Variants in CDIN1 observed in about 807,000 individuals in gnomAD.
CDIN1 encodes the protein CDAN1 interacting nuclease 1, also known as CDAN1-interacting nuclease 1.
In CDIN1, 33 loss-of-function variants were observed where a neutral mutation model predicts 45.3. The observed-to-expected ratio is 0.73, with a 90% CI of 0.55 to 0.97. CDIN1 has a LOEUF of 0.97. CDIN1 is among the 50% of genes least tolerant of loss of function. CDIN1 has a pLI of 0.00. For synonymous variants in CDIN1, 118 were observed against 124.4 expected (o/e 0.95, Z 0.34); for missense variants, 303 against 339.4 (o/e 0.89, Z 0.84).
At chr15:36,748,302 G>A (rs1041945073) in intron 10 of CDIN1, among the ~76,000 whole-genome samples, 9 of 152,196 alleles carry the variant, frequency 5.9e-5, no homozygotes, top group African/African-American at 1.9e-4. Flanking sequence ...AAATAGATAC[G>A]GGATGAGATG....
At chr15:36,781,662 T>C (rs1359593498) in intron 10 of CDIN1, among the ~76,000 whole-genome samples, 1 of 152,198 alleles carries the variant, frequency 6.6e-6, no homozygotes, top group Non-Finnish European at 1.5e-5. Context: ...AAGGTTCAGA[T>C]AGAAGCTAGA....
rs988771805 is a variant in CDIN1 at position 36,618,934 on chromosome 15, C to T, written c.102-25344C>T. On this transcript the variant is annotated intron_variant, in intron 1 of 10. Transcript: ENST00000566621. ...TAGCTACACCGTGACTCTACAGGAACCCTGAAAGTTAAGTTATGCTGAAGT... is the reference window on the plus strand; with the variant it reads ...TAGCTACACCGTGACTCTACAGGAATCCTGAAAGTTAAGTTATGCTGAAGT... 35 of 1,525,104 alleles carry T rather than the reference C, an allele frequency of 2.3e-5. No individual in the cohort carries two copies. The South Asian group carries it at 3.1e-4, about 14-fold the overall frequency. The allele number at this position is 1,525,104 out of a possible 1,614,324, so 94.5% of individuals were successfully genotyped here. A position where few individuals can be genotyped will look rare whatever the true frequency, so the allele number is the denominator to read the frequency against.
At position 36,731,294 on chromosome 15, in the gene CDIN1, C is replaced by T. The variant is rs542511197; in HGVS notation, c.716+21333C>T. ...CATACTTTTAAAAACTTGACCACTT[C>T]GAATTGTCAAAATAGGTACTTAATT... is the stretch of plus-strand genomic sequence containing the variant. On this transcript the variant is annotated intron_variant, in intron 10 of 10. Transcript: ENST00000566621. Among the ~76,000 whole-genome samples the T allele has an allele frequency of 8.5e-5, 13 of 152,124 alleles. No individual in the cohort carries two copies. In the South Asian group the frequency reaches 2.5e-3, roughly 29 times the overall value.
rs551631056 is a variant in CDIN1 at position 36,788,808 on chromosome 15, G to C, written c.717-19516G>C. Among the ~76,000 whole-genome samples, 20 of 152,196 alleles carry C rather than the reference G, an allele frequency of 1.3e-4. No individual in the cohort carries two copies. The South Asian group carries it at 3.5e-3, about 27-fold the overall frequency. On this transcript the variant is annotated intron_variant, in intron 10 of 10. Coordinates refer to ENST00000566621, the MANE Select transcript of CDIN1 (RefSeq NM_001321759.2). ...TGTGATAGGGTTTATAGGGTAAAAT[G>C]GTTCACCAAAACTTTCCAGGGTTCC...
chr15:36,705,198 A>G (rs2042818125), intron 8 of CDIN1: 2 of 152,184 alleles, frequency 1.3e-5, no homozygotes, highest in African/African-American at 4.8e-5. Context: ...AAAAATTAAC[A>G]TCATCTTTGG....
intron 8 of CDIN1, chr15:36,706,263 G>C (rs2042861353): frequency 6.6e-6 from 1 of 152,156 alleles, no homozygotes; most frequent in Non-Finnish European, 1.5e-5. Flanking sequence ...GCACAGATTG[G>C]GTTTTGTGGA....
chr15:36,596,233 A>G (rs1432311741), intron 1 of CDIN1, among the ~76,000 whole-genome samples: 1 of 151,950 alleles, frequency 6.6e-6, no homozygotes, highest in East Asian at 1.9e-4. Flanking sequence ...TTTAGCCCCT[A>G]ATTCCCTTTT....
chr15:36,707,470 A>G (rs1041362671), intron 8 of CDIN1: 1 of 152,218 alleles, frequency 6.6e-6, no homozygotes, highest in African/African-American at 2.4e-5. Flanking sequence ...TAAGTCACCC[A>G]TGCAATTTAA....
chr15:36,732,221 G>A (rs577119256), intron 10 of CDIN1, among the ~76,000 whole-genome samples: 10 of 152,124 alleles, frequency 6.6e-5, no homozygotes, highest in South Asian at 2.1e-4. Flanking sequence ...CAACAGTGAC[G>A]TTCCAAATTC....
At chr15:36,805,385 C>T (rs2055193918) in intron 10 of CDIN1, among the ~76,000 whole-genome samples, 1 of 152,150 alleles carries the variant, frequency 6.6e-6, no homozygotes, top group Non-Finnish European at 1.5e-5. Context: ...TCCTCAGACC[C>T]AAGGACTCTC....
intron 1 of CDIN1, among the ~76,000 whole-genome samples, chr15:36,616,767 A>G (rs1197808027): frequency 6.6e-6 from 1 of 151,982 alleles, no homozygotes; most frequent in Non-Finnish European, 1.5e-5. Flanking sequence ...TCTACTAAAA[A>G]TACAAAAATT....
At chr15:36,673,575 C>T (rs2041530587) in intron 5 of CDIN1, among the ~76,000 whole-genome samples, 1 of 152,020 alleles carries the variant, frequency 6.6e-6, no homozygotes, top group South Asian at 2.1e-4. Flanking sequence ...GCATTTTCAT[C>T]CCAGAGAAAA....
chr15:36,783,650 A>G (rs932314007), intron 10 of CDIN1, among the ~76,000 whole-genome samples: 4 of 152,182 alleles, frequency 2.6e-5, no homozygotes, highest in African/African-American at 9.7e-5. Flanking sequence ...GAGCTGTGAT[A>G]CACATGAACA....
chr15:36,586,020 C>G (rs2037280870), intron 1 of CDIN1, among the ~76,000 whole-genome samples: 1 of 152,106 alleles, frequency 6.6e-6, no homozygotes, highest in African/African-American at 2.4e-5. Context: ...CTTATGTGCT[C>G]AACCCATACT....
intron 10 of CDIN1, among the ~76,000 whole-genome samples, chr15:36,784,918 G>T (rs28659969): frequency 0.18 from 27,003 of 151,898 alleles, 4,437 homozygotes; most frequent in African/African-American, 0.44. Flanking sequence ...TTTGTGGTAT[G>T]GCAGGTGTGA....
At chr15:36,609,200 G>A (rs573631979) in intron 1 of CDIN1, among the ~76,000 whole-genome samples, 46 of 152,160 alleles carry the variant, frequency 3.0e-4, no homozygotes, top group African/African-American at 9.4e-4. Flanking sequence ...TTATTTTTAT[G>A]GATGGGGGTC....
intron 10 of CDIN1, among the ~76,000 whole-genome samples, chr15:36,734,029 C>G (rs1222887428): frequency 6.6e-6 from 1 of 151,970 alleles, no homozygotes; most frequent in Non-Finnish European, 1.5e-5. Flanking sequence ...ATCCATGAAG[C>G]TATTATATTT....
At chr15:36,765,053 C>G (rs370273346) in intron 10 of CDIN1, among the ~76,000 whole-genome samples, 1 of 83,100 alleles carries the variant, frequency 1.2e-5, no homozygotes, top group Non-Finnish European at 2.6e-5. Context: ...TTTTATTTTT[C>G]TTTCTTTCTT....
chr15:36,579,777 A>G lies in CDIN1; in HGVS notation c.-84A>G. The G allele has an allele frequency of 8.8e-7, 1 of 1,134,900 alleles. No individual in the cohort carries two copies. Among genetic ancestry groups the G allele is most frequent in the South Asian group, 1.4e-5 (1 of 69,700 alleles). 70.3% of individuals were successfully genotyped at this position (1,134,900 alleles called of 1,614,324 possible). ...GACCCGGGCCTGTGCCGCTTTGCCT[A>G]CCCCTCATCCCTCGGCACCAAGGCT... On this transcript the variant is annotated 5_prime_UTR_variant, in exon 1 of 11. Transcript: ENST00000566621.
Sources: allele counts gnomAD v4.1 joint callset (sites outside exome capture counted in the v4.1 genomes callset), GRCh38; gene constraint gnomAD v4.1.1; transcripts MANE v1.5; gene names NCBI Gene and HGNC (gene_info 2026-07-23, HGNC 2026-07-21).